Variants in TAFA2 observed in about 807,000 individuals in gnomAD.
The protein encoded by TAFA2 is chemokine-like protein TAFA-2.
TAFA2 carries 7 observed loss-of-function variants against 18.8 expected under a neutral mutation model. The observed-to-expected ratio is 0.37, with a 90% confidence interval of 0.21 to 0.70. The LOEUF (loss-of-function observed/expected upper bound fraction) is 0.70. Among genes scored for constraint, TAFA2 ranks in the 30% least tolerant of loss-of-function variants. TAFA2 has a pLI of 0.53. For missense variants in TAFA2, 122 were observed against 158.1 expected, an observed-to-expected ratio of 0.77 and a Z score of 1.23; for synonymous variants, 60 against 54.2, an observed-to-expected ratio of 1.11 and a Z score of -0.47.
intron 2 of TAFA2, among the ~76,000 whole-genome samples, chr12:61,767,122 T>C (rs1325955475): frequency 6.6e-6 from 1 of 152,144 alleles, no homozygotes; most frequent in Non-Finnish European, 1.5e-5. Context: ...TATATTGTTA[T>C]ATTATAGAAG....
intron 1 of TAFA2, among the ~76,000 whole-genome samples, chr12:62,160,407 G>C (rs150518767): frequency 6.6e-6 from 1 of 152,112 alleles, no homozygotes; most frequent in Admixed American, 6.5e-5. Context: ...AGATCATTTC[G>C]TTCATACTTC....
At chr12:61,753,835 T>C in intron 3 of TAFA2, 89 bp from the exon 4 acceptor site, 3 of 1,230,954 alleles carry the variant, frequency 2.4e-6, no homozygotes, top group Non-Finnish European at 3.3e-6. Context: ...AAGCCACTAA[T>C]TTTTCCTACC....
chr12:62,146,560 G>A (rs565451013), intron 1 of TAFA2, among the ~76,000 whole-genome samples: 1 of 152,254 alleles, frequency 6.6e-6, no homozygotes, highest in Non-Finnish European at 1.5e-5. Flanking sequence ...AGGTAGGAAG[G>A]CTTCTGGTTC....
At chr12:62,031,978 T>G (rs1025384161) in intron 1 of TAFA2, among the ~76,000 whole-genome samples, 19 of 152,202 alleles carry the variant, frequency 1.2e-4, no homozygotes, top group African/African-American at 4.6e-4. Context: ...CTTCTTAACA[T>G]TAGCAAAGAT....
intron 2 of TAFA2, among the ~76,000 whole-genome samples, chr12:61,820,814 G>A (rs978918848): frequency 6.6e-6 from 1 of 151,974 alleles, no homozygotes; most frequent in Non-Finnish European, 1.5e-5. Context: ...AAATGAAGAA[G>A]TGTGACTAGA....
At chr12:62,257,176 G>GTGTGTGTC (rs2062944503) in intron 1 of TAFA2, among the ~76,000 whole-genome samples, 8 of 131,582 alleles carry the variant, frequency 6.1e-5, no homozygotes, top group Middle Eastern at 3.6e-3. Flanking sequence ...GTGTGTGTGT[G>GTGTGTGTC]TGTGTGTGTG....
At chr12:61,974,678 C>A (rs919863816) in intron 1 of TAFA2, among the ~76,000 whole-genome samples, 3 of 151,774 alleles carry the variant, frequency 2.0e-5, no homozygotes, top group Non-Finnish European at 2.9e-5. Context: ...ATGCTCAAGG[C>A]AGAATGTAAT....
chr12:62,158,480 G>A (rs1167238461), intron 1 of TAFA2, among the ~76,000 whole-genome samples: 3 of 152,168 alleles, frequency 2.0e-5, no homozygotes, highest in East Asian at 3.9e-4. Flanking sequence ...TTATTAGCAC[G>A]TAAGAAGCTA....
intron 4 of TAFA2, among the ~76,000 whole-genome samples, chr12:61,729,117 A>G (rs1870320569): frequency 6.6e-6 from 1 of 151,696 alleles, no homozygotes; most frequent in Admixed American, 6.6e-5. Context: ...TCTGATGTTA[A>G]TCTGGTAAGT....
At chr12:61,939,730 G>C (rs373951183) in intron 1 of TAFA2, among the ~76,000 whole-genome samples, 2 of 152,170 alleles carry the variant, frequency 1.3e-5, no homozygotes, top group Non-Finnish European at 2.9e-5. Context: ...CAATACATTT[G>C]ATGGCTGCCT....
Position 62,015,883 on chromosome 12 carries a change from G to C in TAFA2, c.-1-148457C>G, listed in dbSNP as rs578080984. Among the ~76,000 whole-genome samples, 9 of 152,280 alleles carry C rather than the reference G, an allele frequency of 5.9e-5. No individual in the cohort carries two copies. In the East Asian group the frequency reaches 1.7e-3, roughly 29 times the overall value. On this transcript the variant is annotated intron_variant, in intron 1 of 4. Transcript: ENST00000416284. ...GAAAGTAGAATGGTGGTTGCCAGGG[G>C]CTAGAGGGATAGGAGAATGGGGATT... is the stretch of plus-strand genomic sequence containing the variant.
intron 1 of TAFA2, among the ~76,000 whole-genome samples, chr12:61,961,319 C>T (rs1197033912): frequency 1.3e-5 from 2 of 151,912 alleles, no homozygotes; most frequent in African/African-American, 4.8e-5. Context: ...GGAAGGGACA[C>T]AAACCCAAAC....
chr12:62,196,189 A>C (rs541857260), upstream of TAFA2, among the ~76,000 whole-genome samples: 58 of 152,252 alleles, frequency 3.8e-4, no homozygotes, highest in Middle Eastern at 3.4e-3. Context: ...AATTGAAGAG[A>C]GTTAAGGCTT....
At chr12:61,871,904 A>G (rs1273962751) in intron 1 of TAFA2, among the ~76,000 whole-genome samples, 1 of 152,148 alleles carries the variant, frequency 6.6e-6, no homozygotes, top group Non-Finnish European at 1.5e-5. Flanking sequence ...CATCCTGGCT[A>G]ACACAGTGAA....
At chr12:62,168,550 T>C (rs1338318306) in intron 1 of TAFA2, among the ~76,000 whole-genome samples, 1 of 152,166 alleles carries the variant, frequency 6.6e-6, no homozygotes, top group Non-Finnish European at 1.5e-5. Flanking sequence ...AACAGTTATT[T>C]AAGGCCAGGT....
chr12:61,952,865 C>T (rs368231360), intron 1 of TAFA2, among the ~76,000 whole-genome samples: 17 of 152,030 alleles, frequency 1.1e-4, no homozygotes, highest in South Asian at 8.3e-4. Flanking sequence ...CATAAAGAAC[C>T]GAGTACGTGT....
At chr12:61,958,992 T>A (rs1043155519) in intron 1 of TAFA2, among the ~76,000 whole-genome samples, 4 of 152,026 alleles carry the variant, frequency 2.6e-5, no homozygotes, top group Non-Finnish European at 4.4e-5. Context: ...GCAGCCGCTA[T>A]ATTTGCCAAT....
At chr12:61,745,986 A>G (rs545890346) in intron 4 of TAFA2, among the ~76,000 whole-genome samples, 10 of 152,264 alleles carry the variant, frequency 6.6e-5, no homozygotes, top group African/African-American at 2.4e-4. Flanking sequence ...AAATATGATT[A>G]GAATGACAGG....
intron 1 of TAFA2, among the ~76,000 whole-genome samples, chr12:62,002,335 C>A (rs1565711721): frequency 6.6e-6 from 1 of 152,256 alleles, no homozygotes; most frequent in East Asian, 1.9e-4. Context: ...CCCCATGTAA[C>A]CTCAGTGTTC....
Sources: allele counts gnomAD v4.1 joint callset (sites outside exome capture counted in the v4.1 genomes callset), GRCh38; gene constraint gnomAD v4.1.1; transcripts MANE v1.5; gene names NCBI Gene and HGNC (gene_info 2026-07-23, HGNC 2026-07-21).